The following SNX25 variants were observed in gnomAD, a reference collection of about 807,000 sequenced individuals.
SNX25 encodes the protein sorting nexin-25.
SNX25 carries 62 observed loss-of-function variants against 113.7 expected under a neutral mutation model. That is an observed-to-expected ratio of 0.55 (90% CI 0.44 to 0.67). The LOEUF (loss-of-function observed/expected upper bound fraction) is 0.67. Ranked by LOEUF, SNX25 falls within the 30% of genes least tolerant of loss-of-function variation. SNX25 has a pLI of 0.00. For synonymous variants in SNX25, 421 were observed against 436.2 expected, an observed-to-expected ratio of 0.97 and a Z score of 0.43; for missense variants, 1,014 against 1,161.0, an observed-to-expected ratio of 0.87 and a Z score of 1.84.
chr4:185,224,648 AAT>A (rs1168075524), intron 1 of SNX25, among the ~76,000 whole-genome samples: 5 of 146,992 alleles, frequency 3.4e-5, no homozygotes, highest in South Asian at 4.2e-4. Flanking sequence ...TAGATATAAA[AAT>A]ATATATAAGT....
At chr4:185,308,583 T>C (rs1754807652) in intron 6 of SNX25, among the ~76,000 whole-genome samples, 1 of 152,162 alleles carries the variant, frequency 6.6e-6, no homozygotes. Flanking sequence ...ATTAGCAAAA[T>C]GTACCATTTG....
chr4:185,246,741 C>T (rs73873412), intron 1 of SNX25, among the ~76,000 whole-genome samples: 3 of 152,070 alleles, frequency 2.0e-5, no homozygotes, highest in Non-Finnish European at 2.9e-5. Context: ...CCCTTCATAC[C>T]ATTTGGATTT....
rs530761458 is a variant in SNX25 at position 185,304,848 on chromosome 4, A to G, written c.1163-5787A>G. On this transcript the variant is annotated intron_variant, in intron 6 of 18. Coordinates refer to ENST00000652585, the MANE Select transcript of SNX25 (RefSeq NM_001378034.2). ...ACAGCTGGTTAGTCTGTCAGTGCAC[A>G]TACAGTTGATTGGAGAACCAGCATT... Among the ~76,000 whole-genome samples the G allele has an allele frequency of 4.6e-5, 7 of 152,330 alleles. No individual in the cohort carries two copies. The South Asian group carries it at 8.3e-4, about 18-fold the overall frequency.
At chr4:185,279,714 C>T (rs1750287366) in intron 5 of SNX25, among the ~76,000 whole-genome samples, 1 of 152,078 alleles carries the variant, frequency 6.6e-6, no homozygotes, top group East Asian at 1.9e-4. Context: ...AAAATAGAAC[C>T]TTGTGTTCTG....
intron 5 of SNX25, among the ~76,000 whole-genome samples, chr4:185,279,302 C>T (rs1750227146): frequency 6.6e-6 from 1 of 152,074 alleles, no homozygotes; most frequent in African/African-American, 2.4e-5. Context: ...AGATGGTTTC[C>T]TCAACCCTTG....
chr4:185,280,601 A>G (rs1191137347), intron 5 of SNX25, among the ~76,000 whole-genome samples: 1 of 152,218 alleles, frequency 6.6e-6, no homozygotes, highest in Non-Finnish European at 1.5e-5. Context: ...CTGCCCAGCC[A>G]TTTATCAGGC....
intron 15 of SNX25, among the ~76,000 whole-genome samples, chr4:185,357,242 C>T (rs965318527): frequency 3.9e-5 from 6 of 152,282 alleles, no homozygotes; most frequent in African/African-American, 4.8e-5. Flanking sequence ...TAGACCCATC[C>T]GTTCATTAAT....
chr4:185,349,287 A>G (rs944388753), intron 13 of SNX25, among the ~76,000 whole-genome samples: 7 of 152,268 alleles, frequency 4.6e-5, no homozygotes, highest in African/African-American at 1.7e-4. Flanking sequence ...ATGTATGTAT[A>G]CCACGTTTTC....
intron 12 of SNX25, among the ~76,000 whole-genome samples, chr4:185,345,432 A>G (rs1477672889): frequency 6.6e-6 from 1 of 152,210 alleles, no homozygotes; most frequent in East Asian, 1.9e-4. Context: ...CTTAATCCAC[A>G]AAGGGTGCGC....
intron 6 of SNX25, among the ~76,000 whole-genome samples, chr4:185,288,928 G>A (rs1199705373): frequency 6.6e-6 from 1 of 152,208 alleles, no homozygotes; most frequent in Admixed American, 6.5e-5. Context: ...AGGAGAGGGA[G>A]TAGAGTGCTA....
intron 1 of SNX25, among the ~76,000 whole-genome samples, chr4:185,245,745 T>C (rs1274700850): frequency 6.6e-6 from 1 of 152,168 alleles, no homozygotes; most frequent in East Asian, 1.9e-4. Context: ...CTTTTAAAAG[T>C]GTCTGTGCTT....
chr4:185,218,730 C>T (rs1739301400), intron 1 of SNX25, among the ~76,000 whole-genome samples: 1 of 152,226 alleles, frequency 6.6e-6, no homozygotes, highest in Admixed American at 6.5e-5. Context: ...TATTAGGCTA[C>T]TAGGATCTAT....
chr4:185,291,397 TCTA>T (rs1303176867), intron 6 of SNX25, among the ~76,000 whole-genome samples: 1 of 152,182 alleles, frequency 6.6e-6, no homozygotes, highest in Admixed American at 6.5e-5. Context: ...CAACCACCAT[TCTA>T]CTTTCTGTCT....
At chr4:185,239,438 G>C (rs184259772) in intron 1 of SNX25, among the ~76,000 whole-genome samples, 4 of 151,388 alleles carry the variant, frequency 2.6e-5, no homozygotes, top group East Asian at 3.9e-4. Context: ...AGCTGAGATC[G>C]CACCGCTGCA....
chr4:185,357,644 A>T, intron 15 of SNX25, 27 bp from the exon 16 acceptor site: 4 of 1,600,464 alleles, frequency 2.5e-6, no homozygotes, highest in Non-Finnish European at 3.4e-6. Context: ...CCTGTGATAA[A>T]AAGTTTTCCT....
intron 15 of SNX25, 148 bp downstream of exon 15, chr4:185,353,750 T>A: frequency 1.3e-6 from 1 of 775,886 alleles, no homozygotes; most frequent in South Asian, 1.6e-5. Flanking sequence ...CATAGCCTTT[T>A]AAGAGCCAAC....
intron 15 of SNX25, among the ~76,000 whole-genome samples, chr4:185,355,094 A>G (rs553266889): frequency 6.6e-6 from 1 of 152,370 alleles, no homozygotes; most frequent in South Asian, 2.1e-4. Flanking sequence ...AATTATTAAC[A>G]GATGAAAAAA....
Position 185,323,522 on chromosome 4 carries a change from T to C in SNX25, c.1477-6T>C. 6.2e-7 allele frequency: 1 copy of C among 1,605,758 alleles called. No individual in the cohort carries two copies. The highest frequency in any genetic ancestry group is 8.5e-7 in the Non-Finnish European group (1 of 1,177,046). The stretch of plus-strand genomic sequence containing the variant: ...CTTACTTTTCCTTATCTTCCTGTCT[T>C]TTCAGAATGAAATTCCACAATTAGT... On this transcript the variant is annotated splice_region_variant and splice_polypyrimidine_tract_variant and intron_variant, in intron 8 of 18. Coordinates refer to ENST00000652585, the MANE Select transcript of SNX25 (RefSeq NM_001378034.2).
At chr4:185,370,360 T>C (rs76360235), downstream of SNX25, among the ~76,000 whole-genome samples, 873 of 152,278 alleles carry the variant, frequency 5.7e-3, 5 homozygotes, top group African/African-American at 0.02. Context: ...CTGTTCAGCT[T>C]TAAGGTCTTG....
Sources: gnomAD v4.1 joint callset for allele counts (sites outside exome capture counted in the v4.1 genomes callset) on GRCh38, gnomAD v4.1.1 for gene constraint, MANE v1.5 for transcripts, NCBI Gene and HGNC (gene_info 2026-07-23, HGNC 2026-07-21) for gene names.